MUCL1: variants seen among roughly 807,000 people sequenced by gnomAD.
The protein encoded by MUCL1 is mucin like 1.
MUCL1 carries 11 observed loss-of-function variants against 9.2 expected under a neutral mutation model. The ratio of observed to expected loss-of-function variants is 1.19; its 90% confidence interval spans 0.75 to 1.97. The LOEUF (loss-of-function observed/expected upper bound fraction) is 1.97. MUCL1 is among the 30% of genes most tolerant of loss of function. MUCL1 has a pLI of 0.00. For missense variants in MUCL1, 144 were observed against 110.9 expected (o/e 1.30, Z -1.34); for synonymous variants, 48 against 40.5 (o/e 1.19, Z -0.71).
At chr12:54,833,146 T>G (rs1024522887) in intron 1 of MUCL1, among the ~76,000 whole-genome samples, 1 of 152,156 alleles carries the variant, frequency 6.6e-6, no homozygotes, top group African/African-American at 2.4e-5. Context: ...AGGTCCTTTT[T>G]CCTTGGCTTT....
chr12:54,858,105 AC>A, intron 3 of MUCL1, 87 bp from the exon 4 acceptor site: 1 of 1,482,238 alleles, frequency 6.7e-7, no homozygotes, highest in Non-Finnish European at 9.4e-7. Context: ...GACATTTGAC[AC>A]TTGTTAGTTC....
At chr12:54,851,763 T>A (rs1331671226), upstream of MUCL1, among the ~76,000 whole-genome samples, 1 of 152,146 alleles carries the variant, frequency 6.6e-6, no homozygotes, top group Non-Finnish European at 1.5e-5. Context: ...GAAAACCCCA[T>A]CGTCTCAGCC....
At chr12:54,837,697 A>T (rs1405325863), upstream of MUCL1, among the ~76,000 whole-genome samples, 1 of 152,212 alleles carries the variant, frequency 6.6e-6, no homozygotes, top group Non-Finnish European at 1.5e-5. Context: ...TGAACCCAGG[A>T]GGCGGAGCTT....
chr12:54,834,740 A>C (rs4758984), upstream of MUCL1, among the ~76,000 whole-genome samples: 10,477 of 152,024 alleles, frequency 0.069, 779 homozygotes, highest in African/African-American at 0.19. Flanking sequence ...TACTAAAAAT[A>C]AATATATATA....
At chr12:54,836,679 C>G (rs1358273390), upstream of MUCL1, among the ~76,000 whole-genome samples, 2 of 152,106 alleles carry the variant, frequency 1.3e-5, no homozygotes, top group East Asian at 1.9e-4. Flanking sequence ...GTTAGGTTGT[C>G]AACTTGTGAT....
chr12:54,834,333 T>G (rs575441009), intron 1 of MUCL1, among the ~76,000 whole-genome samples: 15 of 152,234 alleles, frequency 9.9e-5, no homozygotes, highest in Non-Finnish European at 1.9e-4. Flanking sequence ...TTAAACTACC[T>G]TTTCTTCACT....
intron 1 of MUCL1, among the ~76,000 whole-genome samples, chr12:54,845,308 C>A (rs889683006): frequency 1.3e-5 from 2 of 152,062 alleles, no homozygotes; most frequent in Non-Finnish European, 2.9e-5. Context: ...AAAAGGAGGG[C>A]CTTTATAGTG....
chr12:54,856,019 T>A (rs1868296484), intron 2 of MUCL1, among the ~76,000 whole-genome samples: 1 of 152,232 alleles, frequency 6.6e-6, no homozygotes, highest in Admixed American at 6.5e-5. Flanking sequence ...TGACTCTTGA[T>A]CCTTATCAAT....
chr12:54,845,912 A>G (rs1345240690), intron 1 of MUCL1, among the ~76,000 whole-genome samples: 1 of 152,214 alleles, frequency 6.6e-6, no homozygotes, highest in South Asian at 2.1e-4. Context: ...TTCCTTATAA[A>G]ACTGTTTTTC....
chr12:54,832,870 T>C lies in MUCL1; in HGVS notation n.357+1995T>C, dbSNP rs191730170. ...GCTATTTTCAAGAAATCATATAAAA[T>C]TTCTAGAAATTTTGTATGTCCTGGT... On this transcript the variant is annotated intron_variant and non_coding_transcript_variant, in intron 1 of 3. Coordinates refer to the MUCL1 transcript ENST00000547990. Among the ~76,000 whole-genome samples the C allele has an allele frequency of 9.1e-4, 139 of 152,194 alleles. 2 individuals are homozygous for C. The highest frequency in any genetic ancestry group is 4.6e-3 in the Admixed American group (70 of 15,286).
At chr12:54,852,569 T>A (rs1868260336), upstream of MUCL1, among the ~76,000 whole-genome samples, 1 of 152,228 alleles carries the variant, frequency 6.6e-6, no homozygotes. Flanking sequence ...TTTTCCTGTT[T>A]AATCCACTGT....
At chr12:54,835,223 G>A (rs372488381), upstream of MUCL1, among the ~76,000 whole-genome samples, 36 of 152,136 alleles carry the variant, frequency 2.4e-4, no homozygotes, top group South Asian at 2.7e-3. Context: ...ACATATACAC[G>A]TATGTGTCTT....
intron 1 of MUCL1, among the ~76,000 whole-genome samples, chr12:54,840,399 C>T (rs1959205043): frequency 6.6e-6 from 1 of 152,212 alleles, no homozygotes; most frequent in South Asian, 2.1e-4. Flanking sequence ...AGTTTCCTTC[C>T]AGAATGCTGT....
At chr12:54,856,506 A>G (rs1868300708) in intron 2 of MUCL1, among the ~76,000 whole-genome samples, 1 of 152,118 alleles carries the variant, frequency 6.6e-6, no homozygotes, top group Non-Finnish European at 1.5e-5. Context: ...TTGTGCTCAT[A>G]CCTGGGACAA....
chr12:54,838,584 T>G (rs1241533025), upstream of MUCL1, among the ~76,000 whole-genome samples: 2 of 152,194 alleles, frequency 1.3e-5, no homozygotes, highest in Non-Finnish European at 2.9e-5. Context: ...GTTTGGCTGT[T>G]TTACATAATC....
chr12:54,849,310 G>A (rs10876633), intron 1 of MUCL1, among the ~76,000 whole-genome samples: 71,829 of 151,780 alleles, frequency 0.47, 17,442 homozygotes, highest in African/African-American at 0.56. Flanking sequence ...CCATAAAGGA[G>A]TAGGAATAAA....
intron 2 of MUCL1, 97 bp from the exon 3 acceptor site, chr12:54,856,673 T>G: frequency 2.0e-6 from 3 of 1,475,356 alleles, no homozygotes; most frequent in Non-Finnish European, 1.8e-6. Context: ...TTTGCAGAGA[T>G]GAATTCAGGA....
At chr12:54,847,119 T>G (rs893694947) in intron 1 of MUCL1, among the ~76,000 whole-genome samples, 6 of 152,184 alleles carry the variant, frequency 3.9e-5, no homozygotes, top group Non-Finnish European at 7.4e-5. Context: ...GCTTATCATA[T>G]GAATTTGTCT....
At chr12:54,830,838 A>C (rs889928712) in exon 1 of MUCL1, 1 of 152,158 alleles carries the variant, frequency 6.6e-6, no homozygotes, top group African/African-American at 2.4e-5. Flanking sequence ...AAACAGAAAA[A>C]AAACTTTGGA....
Sources: gnomAD v4.1 joint callset for allele counts (sites outside exome capture counted in the v4.1 genomes callset) on GRCh38, gnomAD v4.1.1 for gene constraint, MANE v1.5 for transcripts, NCBI Gene and HGNC (gene_info 2026-07-23, HGNC 2026-07-21) for gene names.